SLCO3A1: variants seen among roughly 807,000 people sequenced by gnomAD.
SLCO3A1 encodes PGE1 transporter.
SLCO3A1 carries 27 observed loss-of-function variants against 63.1 expected under a neutral mutation model. That is an observed-to-expected ratio of 0.43 (90% CI 0.32 to 0.59). The LOEUF is 0.59. Among genes scored for constraint, SLCO3A1 ranks in the 20% least tolerant of loss-of-function variants. The pLI is 0.09. For missense variants in SLCO3A1, 773 were observed against 945.8 expected (o/e 0.82, Z 2.40); for synonymous variants, 473 against 409.9 (o/e 1.15, Z -1.86).
intron 2 of SLCO3A1, among the ~76,000 whole-genome samples, chr15:91,926,751 G>A (rs982979731): frequency 2.6e-5 from 4 of 152,140 alleles, no homozygotes; most frequent in Non-Finnish European, 5.9e-5. Context: ...AGGAGTCATC[G>A]TTGGCTGCTT....
At chr15:92,069,100 C>T (rs1250157599) in intron 2 of SLCO3A1, among the ~76,000 whole-genome samples, 2 of 136,524 alleles carry the variant, frequency 1.5e-5, no homozygotes, top group Admixed American at 7.2e-5. Flanking sequence ...CCCCCCGCCC[C>T]CCCCCCGCCA....
chr15:92,005,908 C>T lies in SLCO3A1; in HGVS notation c.647-88973C>T, dbSNP rs181497488. ...GCCACACACTGACTTTGGGACTGAG[C>T]GAAAGCGTTTCTGAGACTCAGCCCT... is the stretch of plus-strand genomic sequence containing the variant. On this transcript the variant is annotated intron_variant, in intron 2 of 9. Transcript: ENST00000318445. Among the ~76,000 whole-genome samples the T allele has an allele frequency of 2.6e-3, 403 of 152,138 alleles. 8 individuals are homozygous for T. The highest frequency in any genetic ancestry group is 5.9e-4 in the Non-Finnish European group (40 of 68,002).
At chr15:91,938,224 T>C (rs907564383) in intron 2 of SLCO3A1, among the ~76,000 whole-genome samples, 5 of 152,208 alleles carry the variant, frequency 3.3e-5, no homozygotes, top group Non-Finnish European at 7.3e-5. Context: ...ATCTGCGTTA[T>C]GAGGATTCTT....
intron 2 of SLCO3A1, among the ~76,000 whole-genome samples, chr15:91,939,104 T>C (rs1032240859): frequency 6.6e-5 from 10 of 152,140 alleles, no homozygotes; most frequent in Non-Finnish European, 1.5e-5. Flanking sequence ...AATTGGCTTA[T>C]GGTATGGCAG....
intron 2 of SLCO3A1, among the ~76,000 whole-genome samples, chr15:91,929,384 C>G (rs1349813862): frequency 1.3e-5 from 2 of 152,190 alleles, no homozygotes; most frequent in African/African-American, 4.8e-5. Context: ...CAGTCTCTTA[C>G]TGGTCCATCT....
In SLCO3A1 at chr15:91,916,075, G is replaced by C. The variant is rs781408020; in HGVS notation, c.263G>C (p.Gly88Ala). Residue 88 changes from glycine (G) to alanine (A), a missense_variant, in exon 2 of 10, where the codon GGG becomes GCG. Coordinates refer to ENST00000318445, the MANE Select transcript of SLCO3A1 (RefSeq NM_013272.4). The surrounding 1 kb of genome is among the most constrained non-coding windows in gnomAD (Gnocchi z 6.2). ...VGVIASSFEI[G>A]NLALILFVSY... ...GTGATCGCTAGCAGCTTCGAGATCG[G>C]GAACCTGGCGCTCATCCTCTTCGTG... is the stretch of plus-strand genomic sequence containing the variant. 4.3e-6 allele frequency: 7 copies of C among 1,613,144 alleles called. No individual in the cohort carries two copies. Among genetic ancestry groups the C allele is most frequent in the Non-Finnish European group, 5.9e-6 (7 of 1,179,970 alleles).
chr15:92,090,878 C>G (rs1385578883), intron 2 of SLCO3A1, among the ~76,000 whole-genome samples: 1 of 152,184 alleles, frequency 6.6e-6, no homozygotes, highest in Non-Finnish European at 1.5e-5. Flanking sequence ...ATTCAATCCT[C>G]ACCACAACCC....
intron 2 of SLCO3A1, among the ~76,000 whole-genome samples, chr15:92,077,826 A>G (rs990889412): frequency 6.6e-6 from 1 of 152,342 alleles, no homozygotes. Context: ...GCTTAGAGTT[A>G]GAGGGATTTC....
intron 2 of SLCO3A1, among the ~76,000 whole-genome samples, chr15:92,066,570 T>C (rs1203599573): frequency 2.6e-5 from 4 of 152,246 alleles, no homozygotes; most frequent in Non-Finnish European, 5.9e-5. Flanking sequence ...TTCAAGTCCA[T>C]ATTCTTCTAT....
chr15:92,071,231 G>A (rs1215068086), intron 2 of SLCO3A1, among the ~76,000 whole-genome samples: 2 of 152,182 alleles, frequency 1.3e-5, no homozygotes, highest in Non-Finnish European at 2.9e-5. Flanking sequence ...GTTGGGTGCT[G>A]CATGCATGCG....
At chr15:91,914,839 T>C (rs1898602420) in intron 1 of SLCO3A1, among the ~76,000 whole-genome samples, 1 of 152,180 alleles carries the variant, frequency 6.6e-6, no homozygotes, top group African/African-American at 2.4e-5. Flanking sequence ...CCCAAAGTGT[T>C]GGGATTACAG....
At chr15:92,002,846 A>ACC (rs2046271225) in intron 2 of SLCO3A1, among the ~76,000 whole-genome samples, 1 of 152,216 alleles carries the variant, frequency 6.6e-6, no homozygotes, top group African/African-American at 2.4e-5. Context: ...TGATAATATT[A>ACC]CATGCACTGT....
intron 2 of SLCO3A1, among the ~76,000 whole-genome samples, chr15:91,977,263 A>G (rs1901152498): frequency 6.6e-6 from 1 of 152,166 alleles, no homozygotes; most frequent in Non-Finnish European, 1.5e-5. Context: ...GGTCTTCCCT[A>G]CATTATGATG....
chr15:92,087,358 G>T (rs1327690252), intron 2 of SLCO3A1, among the ~76,000 whole-genome samples: 1 of 152,200 alleles, frequency 6.6e-6, no homozygotes, highest in Non-Finnish European at 1.5e-5. Context: ...GGCTTTAAAA[G>T]AAGTCCTGAT....
In SLCO3A1 at chr15:91,872,940, G is replaced by A. The variant is rs1830996960; in HGVS notation, c.180+18852G>A. 6.6e-6 allele frequency among the ~76,000 whole-genome samples: 1 copy of A among 152,234 alleles called. No homozygotes were observed. The highest frequency in any genetic ancestry group is 2.4e-5 in the African/African-American group (1 of 41,464). Reference sequence around the variant, plus strand: ...GTTATACATTCCAGGGCTGGTCACAGGGCCCCTGCTCCTGGCATGCAGCTA... The same window carrying A: ...GTTATACATTCCAGGGCTGGTCACAAGGCCCCTGCTCCTGGCATGCAGCTA... On this transcript the variant is annotated intron_variant, in intron 1 of 9. Transcript: ENST00000318445. The surrounding 1 kb of genome is among the most constrained non-coding windows in gnomAD (Gnocchi z 4.1).
At chr15:92,169,619 C>G (rs1478430659), downstream of SLCO3A1, among the ~76,000 whole-genome samples, 2 of 152,218 alleles carry the variant, frequency 1.3e-5, no homozygotes, top group African/African-American at 2.4e-5. Flanking sequence ...ATCAAAGCAC[C>G]AAGATGCCAG....
Position 92,163,375 on chromosome 15 carries a change from G to C in SLCO3A1, c.*240G>C. 8.7e-7 allele frequency: 1 copy of C among 1,147,046 alleles called. No individual in the cohort carries two copies. Among genetic ancestry groups the C allele is most frequent in the African/African-American group, 1.6e-5 (1 of 62,534 alleles). 71.1% of individuals were successfully genotyped at this position (1,147,046 alleles called of 1,614,324 possible). A position where few individuals can be genotyped will look rare whatever the true frequency, so the allele number is the denominator to read the frequency against. On this transcript the variant is annotated 3_prime_UTR_variant, in exon 10 of 10. Transcript: ENST00000318445. ...TCCTGGAGGCCACTTGCGCGGCTGGGCCACAGAGTCTACTTTGAAGGCACC... is the reference window on the plus strand; with the variant it reads ...TCCTGGAGGCCACTTGCGCGGCTGGCCCACAGAGTCTACTTTGAAGGCACC...
rs1173054145 is a variant in SLCO3A1 at position 91,860,379 on chromosome 15, T to A, written c.180+6291T>A. On this transcript the variant is annotated intron_variant, in intron 1 of 9. Transcript: ENST00000318445. The surrounding 1 kb of genome is among the most constrained non-coding windows in gnomAD (Gnocchi z 5.5). ...CTCATCTGAAAAATGGGGATAATGA[T>A]CAAGCTTATCTTACAGATGGTTGTG... Among the ~76,000 whole-genome samples, 1 of 152,242 alleles carries A rather than the reference T, an allele frequency of 6.6e-6. No homozygotes were observed. Among genetic ancestry groups the A allele is most frequent in the Non-Finnish European group, 1.5e-5 (1 of 68,044 alleles).
intron 2 of SLCO3A1, among the ~76,000 whole-genome samples, chr15:92,074,714 G>A (rs1229317713): frequency 6.6e-6 from 1 of 151,956 alleles, no homozygotes; most frequent in Non-Finnish European, 1.5e-5. Flanking sequence ...GGACAGAGAC[G>A]CAGAGAAATT....
Sources: gnomAD v4.1 joint callset for allele counts (sites outside exome capture counted in the v4.1 genomes callset) on GRCh38, gnomAD v4.1.1 for gene constraint, Gnocchi (gnomAD v3.1) non-coding constraint, MANE v1.5 for transcripts, NCBI Gene and HGNC (gene_info 2026-07-23, HGNC 2026-07-21) for gene names.